Variants in ADGRV1 observed in about 807,000 individuals in gnomAD.
The protein encoded by ADGRV1 is G-protein coupled receptor 98.
ADGRV1 carries 359 observed loss-of-function variants against 596.2 expected under a neutral mutation model. That is an observed-to-expected ratio of 0.60 (90% confidence interval 0.55 to 0.66). The LOEUF is 0.66. Ranked by LOEUF, ADGRV1 falls within the 30% of genes least tolerant of loss-of-function variation. The probability of loss-of-function intolerance (pLI) is 0.00; values close to 1 mark genes in which losing one functional copy is unlikely to be tolerated. For missense variants in ADGRV1, 7,274 were observed against 7,575.6 expected, an observed-to-expected ratio of 0.96 and a Z score of 1.48; for synonymous variants, 2,681 against 2,679.2, an observed-to-expected ratio of 1.00 and a Z score of -0.02.
intron 83 of ADGRV1, among the ~76,000 whole-genome samples, chr5:90,929,013 G>A (rs2150787455): frequency 6.7e-6 from 1 of 149,798 alleles, no homozygotes; most frequent in East Asian, 2.0e-4. Flanking sequence ...CTGCGTGCTG[G>A]GAGAACCACT....
At chr5:90,814,806 C>T (rs562709922) in intron 74 of ADGRV1, among the ~76,000 whole-genome samples, 13 of 152,182 alleles carry the variant, frequency 8.5e-5, no homozygotes, top group Middle Eastern at 3.4e-3. Flanking sequence ...ACATGGTTTT[C>T]GAGGCCAATT....
At chr5:90,823,625 A>T in intron 76 of ADGRV1, 29 bp downstream of exon 76, 1 of 1,560,980 alleles carries the variant, frequency 6.4e-7, no homozygotes. Context: ...CACTAGTGTC[A>T]ACTTCTAATT....
At position 90,810,526 on chromosome 5, in the gene ADGRV1, T is replaced by G. The variant is rs965369417; in HGVS notation, c.15266T>G (p.Phe5089Cys). ...GATCAGCTTTCTGAGATAGAAGAAT[T>G]TTTTTACATTAACCTTACTTCAGTA... ...INDQLSEIEE[F>C]FYINLTSVEI... is the part of the protein sequence containing the mutation. The change falls in exon 74 of 90, where the codon TTT (phenylalanine) becomes TGT (cysteine). Residue 5089 changes from phenylalanine (F) to cysteine (C), a missense_variant. Around this residue, in one of 5 missense-constraint regions of ADGRV1, gnomAD observed 1,874 missense variants for 1,970.2 expected, o/e 0.95. Transcript: ENST00000405460. The G allele has an allele frequency of 2.5e-6, 4 of 1,613,674 alleles. No individual in the cohort carries two copies. The African/African-American group carries it at 5.3e-5, about 22-fold the overall frequency.
intron 85 of ADGRV1, among the ~76,000 whole-genome samples, chr5:91,040,974 A>G (rs531304472): frequency 1.3e-5 from 2 of 152,290 alleles, no homozygotes; most frequent in South Asian, 2.1e-4. Context: ...TTATCTCATT[A>G]TTTAAGTGAT....
intron 1 of ADGRV1, among the ~76,000 whole-genome samples, chr5:90,572,258 C>G (rs1020550745): frequency 1.3e-5 from 2 of 151,834 alleles, no homozygotes; most frequent in African/African-American, 4.8e-5. Context: ...TGGGTAGCAG[C>G]AAAACAATGT....
At chr5:90,715,326 C>T (rs1749944180) in intron 42 of ADGRV1, among the ~76,000 whole-genome samples, 1 of 152,304 alleles carries the variant, frequency 6.6e-6, no homozygotes, top group Non-Finnish European at 1.5e-5. Flanking sequence ...TTGAATGAAG[C>T]TTAGGACTGT....
chr5:90,620,636 C>T (rs1261053454), intron 4 of ADGRV1, among the ~76,000 whole-genome samples: 1 of 151,962 alleles, frequency 6.6e-6, no homozygotes, highest in Non-Finnish European at 1.5e-5. Flanking sequence ...CTTTTGTTGC[C>T]ATTGCTTTTG....
intron 83 of ADGRV1, among the ~76,000 whole-genome samples, chr5:90,864,133 G>A (rs1489258674): frequency 6.6e-6 from 1 of 151,474 alleles, no homozygotes; most frequent in Non-Finnish European, 1.5e-5. Context: ...TATGCTGAAT[G>A]TATTTGTAAT....
At chr5:90,754,003 C>G in intron 54 of ADGRV1, among the ~76,000 whole-genome samples, 174 bp downstream of exon 54, 1 of 152,026 alleles carries the variant, frequency 6.6e-6, no homozygotes, top group South Asian at 2.1e-4. Flanking sequence ...GTGAAATTAC[C>G]TAGCAGTAAT....
chr5:90,872,424 TGTGTGTG>T (rs1363052110), intron 83 of ADGRV1, among the ~76,000 whole-genome samples: 1 of 276 alleles, frequency 3.6e-3, no homozygotes, highest in Non-Finnish European at 0.036. Flanking sequence ...GGTATGAGCT[TGTGTGTG>T]TGTGTGTGTG....
chr5:90,642,793 G>A (rs1767150969), intron 12 of ADGRV1, 31 bp downstream of exon 12: 3 of 1,606,804 alleles, frequency 1.9e-6, no homozygotes, highest in Non-Finnish European at 2.5e-6. Context: ...CATTTATTCT[G>A]TGCTCACAAC....
chr5:90,661,129 A>G (rs762680042), intron 21 of ADGRV1, among the ~76,000 whole-genome samples: 1 of 152,100 alleles, frequency 6.6e-6, no homozygotes, highest in African/African-American at 2.4e-5. Context: ...TTTCTTCCCC[A>G]TATTTTGTTG....
rs1205180846 is a variant in ADGRV1 at position 90,791,005 on chromosome 5, A to G, written c.14176A>G (p.Ile4726Val). Residue 4726 changes from isoleucine to valine, a missense_variant, in exon 70 of 90, where the codon ATA (isoleucine) becomes GTA (valine). Around this residue, in one of 5 missense-constraint regions of ADGRV1, gnomAD observed 1,874 missense variants for 1,970.2 expected, o/e 0.95. Coordinates refer to ENST00000405460, the MANE Select transcript of ADGRV1 (RefSeq NM_032119.4). ...TTTGCTACCAGATGAGGTACCTGAGATAGAGGAAGATTATGTGATCCAGCT... is the reference window on the plus strand; with the variant it reads ...TTTGCTACCAGATGAGGTACCTGAGGTAGAGGAAGATTATGTGATCCAGCT... ...VHLLPDEVPE[I>V]EEDYVIQLVS... The G allele has an allele frequency of 5.0e-6, 8 of 1,613,776 alleles. No individual in the cohort carries two copies. Among genetic ancestry groups the G allele is most frequent in the Admixed American group, 1.7e-5 (1 of 59,990 alleles).
chr5:90,937,397 C>T (rs2150840905), intron 83 of ADGRV1, among the ~76,000 whole-genome samples: 1 of 151,586 alleles, frequency 6.6e-6, no homozygotes, highest in South Asian at 2.1e-4. Flanking sequence ...TTAATTCACC[C>T]TTTGATCCCA....
rs548218178 is a variant in ADGRV1 at position 91,069,929 on chromosome 5, A to AC, written c.18153-2518_18153-2517insC. Reference sequence around the variant, plus strand: ...AAACCATAGAATACAATGTAGCCACAAAAAAAAAAAAAAATGAAATCATGT... The same window carrying AC: ...AAACCATAGAATACAATGTAGCCACACAAAAAAAAAAAAAATGAAATCATGT... On this transcript the variant is annotated intron_variant, in intron 85 of 89. Coordinates refer to ENST00000405460, the MANE Select transcript of ADGRV1 (RefSeq NM_032119.4). Among the ~76,000 whole-genome samples, 53 of 22,742 alleles carry AC rather than the reference A, an allele frequency of 2.3e-3. No homozygotes were observed. In the South Asian group the frequency reaches 0.065, roughly 28 times the overall value. 14.9% of individuals were successfully genotyped at this position (22,742 alleles called of 152,430 possible). A position where few individuals can be genotyped will look rare whatever the true frequency, so the allele number is the denominator to read the frequency against.
chr5:90,600,104 G>A (rs1184662801), intron 1 of ADGRV1, among the ~76,000 whole-genome samples: 2 of 152,056 alleles, frequency 1.3e-5, no homozygotes, highest in Admixed American at 1.3e-4. Flanking sequence ...TACTTAGTTG[G>A]ACCATAAGTG....
chr5:90,642,406 A>G (rs1237574636), intron 11 of ADGRV1, among the ~76,000 whole-genome samples: 1 of 152,216 alleles, frequency 6.6e-6, no homozygotes, highest in Non-Finnish European at 1.5e-5. Flanking sequence ...TTTTTGTCAA[A>G]TAAAAAAAGA....
rs1357083581 is a variant in ADGRV1, at chr5:90,805,404, C to T, written c.14782C>T (p.Pro4928Ser). The T allele has an allele frequency of 1.2e-6, 2 of 1,605,136 alleles. No individual in the cohort carries two copies. The highest frequency in any genetic ancestry group is 1.7e-5 in the Admixed American group (1 of 59,838). The change falls in exon 72 of 90, where the codon CCT (proline) becomes TCT (serine). Residue 4928 changes from proline to serine, a missense_variant. Around this residue, in one of 5 missense-constraint regions of ADGRV1, gnomAD observed 1,874 missense variants for 1,970.2 expected, o/e 0.95. Transcript: ENST00000405460. ...LSVAWTTGYA[P>S]GLEIPEFIVV... ...GGTTGCCTGGACCACTGGATATGCT[C>T]CTGGGTTAGAAATTCCTGAATTCAT...
chr5:90,992,386 G>A (rs538210795), intron 85 of ADGRV1, among the ~76,000 whole-genome samples: 1 of 152,214 alleles, frequency 6.6e-6, no homozygotes, highest in Non-Finnish European at 1.5e-5. Context: ...TAGCTTTTCT[G>A]ATTACTGCTT....
Sources: allele counts gnomAD v4.1 joint callset (sites outside exome capture counted in the v4.1 genomes callset), GRCh38; gene constraint gnomAD v4.1.1; regional missense constraint gnomAD v4.1.1; transcripts MANE v1.5; gene names NCBI Gene and HGNC (gene_info 2026-07-23, HGNC 2026-07-21).